BBS2: variants seen among roughly 807,000 people sequenced by gnomAD.
The protein encoded by BBS2 is Bardet-Biedl syndrome 2.
A neutral mutation model predicts 83.0 loss-of-function variants in BBS2; 62 were observed. That is an observed-to-expected ratio of 0.75 (90% CI 0.61 to 0.92). The LOEUF is 0.92. Ranked by LOEUF, BBS2 falls within the 40% of genes least tolerant of loss-of-function variation. The pLI, the probability that BBS2 is intolerant of heterozygous loss-of-function variation, is 0.00. For missense variants in BBS2, 784 were observed against 901.0 expected (o/e 0.87, Z 1.66); for synonymous variants, 303 against 326.1 (o/e 0.93, Z 0.76).
chr16:56,482,460 C>T (rs1963678723), downstream of BBS2, among the ~76,000 whole-genome samples: 1 of 151,954 alleles, frequency 6.6e-6, no homozygotes, highest in Non-Finnish European at 1.5e-5. Flanking sequence ...CTGTGTGAGG[C>T]AGATTTACGA....
intron 7 of BBS2, among the ~76,000 whole-genome samples, chr16:56,504,992 T>A (rs1327246342): frequency 3.3e-5 from 5 of 152,214 alleles, no homozygotes; most frequent in Non-Finnish European, 7.3e-5. Context: ...AAGGCTCCTA[T>A]GAGGAAGTGG....
intron 17 of BBS2, chr16:56,476,233 G>T: frequency 6.3e-7 from 1 of 1,595,854 alleles, no homozygotes; most frequent in Non-Finnish European, 8.5e-7. Context: ...GAACAAAAAT[G>T]TGACCCTTCG....
intron 15 of BBS2, 70 bp downstream of exon 15, chr16:56,496,897 C>G: frequency 1.9e-6 from 2 of 1,078,008 alleles, no homozygotes; most frequent in Admixed American, 1.7e-5. Flanking sequence ...TTGGTAACAT[C>G]TGAGAGTTGC....
intron 17 of BBS2, among the ~76,000 whole-genome samples, chr16:56,474,190 G>A (rs1307511896): frequency 2.0e-5 from 3 of 151,668 alleles, no homozygotes; most frequent in African/African-American, 7.3e-5. Flanking sequence ...TCTACTTTAG[G>A]TAATAACATG....
chr16:56,497,584 A>G, intron 14 of BBS2, 159 bp downstream of exon 14: 1 of 896,822 alleles, frequency 1.1e-6, no homozygotes. Context: ...TAAATCCTTA[A>G]GTAGTAAACT....
intron 16 of BBS2, among the ~76,000 whole-genome samples, 174 bp from the exon 17 acceptor site, chr16:56,485,041 G>A (rs1425282025): frequency 6.6e-6 from 1 of 152,088 alleles, no homozygotes; most frequent in African/African-American, 2.4e-5. Flanking sequence ...TGAAAAAACT[G>A]ACTTAGAGAC....
At chr16:56,487,175 T>C (rs1377771223) in intron 15 of BBS2, among the ~76,000 whole-genome samples, 3 of 152,134 alleles carry the variant, frequency 2.0e-5, no homozygotes, top group Admixed American at 6.5e-5. Context: ...GTATGAGTTA[T>C]ATATCAATTA....
At chr16:56,512,499 A>G (rs1964607734) in intron 2 of BBS2, among the ~76,000 whole-genome samples, 1 of 152,252 alleles carries the variant, frequency 6.6e-6, no homozygotes, top group African/African-American at 2.4e-5. Context: ...AAACCATAGT[A>G]TATTCACACA....
chr16:56,475,659 T>G (rs1963437003), intron 17 of BBS2: 1 of 973,332 alleles, frequency 1.0e-6, no homozygotes, highest in Non-Finnish European at 1.6e-6. Context: ...TACCAGTGTC[T>G]TTAGCTAATA....
chr16:56,475,691 C>T, intron 17 of BBS2: 5 of 758,542 alleles, frequency 6.6e-6, no homozygotes, highest in Non-Finnish European at 1.1e-5. Context: ...GGCAATGGTT[C>T]TAATTTCTAG....
chr16:56,488,090 G>A (rs1233688602), intron 15 of BBS2, among the ~76,000 whole-genome samples: 1 of 152,150 alleles, frequency 6.6e-6, no homozygotes, highest in Non-Finnish European at 1.5e-5. Context: ...ATTTCACATT[G>A]TGTAGTTCAC....
In BBS2 at chr16:56,507,930, T is replaced by TG. The variant is rs1364042254; in HGVS notation, c.613-1707dup. On this transcript the variant is annotated intron_variant, in intron 5 of 16. Transcript: ENST00000245157. ...TTGCAGTGAGCCAAGATCACGCCACTGCACTCCAGCATGGGCGACAAGAGC... is the reference window on the plus strand; with the variant it reads ...TTGCAGTGAGCCAAGATCACGCCACTGGCACTCCAGCATGGGCGACAAGAGC... Among the ~76,000 whole-genome samples, 3 of 152,170 alleles carry TG rather than the reference T, an allele frequency of 2.0e-5. No homozygotes were observed. The East Asian group carries it at 5.8e-4, about 29-fold the overall frequency.
intron 15 of BBS2, among the ~76,000 whole-genome samples, chr16:56,495,329 C>A (rs1964086918): frequency 1.3e-5 from 2 of 152,198 alleles, no homozygotes; most frequent in South Asian, 4.1e-4. Flanking sequence ...AAGAAACAAT[C>A]AAAAATTGCA....
chr16:56,514,777 T>G (rs1964686657), intron 1 of BBS2, 97 bp from the exon 2 acceptor site: 3 of 875,226 alleles, frequency 3.4e-6, no homozygotes, highest in Admixed American at 2.3e-5. Flanking sequence ...ACATCCACAT[T>G]AACAAGAGGT....
In BBS2 at chr16:56,485,661, T is replaced by C. The variant is rs1963756133; in HGVS notation, c.1988A>G (p.Asn663Ser). The C allele has an allele frequency of 6.2e-7, 1 of 1,614,148 alleles. No homozygotes were observed. ...GTTTCCCAACAGCTCTGTGTGATTGTTACAGCGAATTTTATATCCATTTAG... is the reference window on the plus strand; with the variant it reads ...GTTTCCCAACAGCTCTGTGTGATTGCTACAGCGAATTTTATATCCATTTAG... ...DLLNGYKIRCNNHTELLGNLK... is the reference protein window; with the variant it reads ...DLLNGYKIRCSNHTELLGNLK... The change falls in exon 16 of 17, where the codon AAC (asparagine) becomes AGC (serine). Residue 663 changes from asparagine (N) to serine (S), a missense_variant. Physicochemically the swap from Asn to Ser is conservative, Grantham distance 46. Transcript: ENST00000245157.
intron 17 of BBS2, among the ~76,000 whole-genome samples, chr16:56,472,429 G>C (rs564637974): frequency 6.6e-6 from 1 of 152,302 alleles, no homozygotes; most frequent in African/African-American, 2.4e-5. Context: ...GAATACAAAA[G>C]TGAAAGAGAA....
chr16:56,502,457 C>T lies in BBS2; in HGVS notation c.941-1G>A. The T allele has an allele frequency of 6.2e-7, 1 of 1,614,210 alleles. No homozygotes were observed. Among genetic ancestry groups the T allele is most frequent in the Non-Finnish European group, 8.5e-7 (1 of 1,180,044 alleles). ...GCCGTGCCAGGCAGGTAGCCCCGGA[C>T]TGAACAGAAGGAAAAAACCGCAAGT... On this transcript the variant is annotated splice_acceptor_variant, in intron 8 of 16. Coordinates refer to ENST00000245157, the MANE Select transcript of BBS2 (RefSeq NM_031885.5). LOFTEE classifies it high-confidence loss of function.
downstream of BBS2, among the ~76,000 whole-genome samples, chr16:56,480,136 A>G (rs1245421549): frequency 6.6e-6 from 1 of 152,214 alleles, no homozygotes; most frequent in East Asian, 1.9e-4. Flanking sequence ...ATGTCTAAGG[A>G]AGTACCCTAT....
At chr16:56,499,523 G>T in intron 12 of BBS2, 1 of 429,052 alleles carries the variant, frequency 2.3e-6, no homozygotes, top group South Asian at 2.1e-5. Context: ...AGACCATAAC[G>T]GAAAGAGAGG....
Sources: allele counts gnomAD v4.1 joint callset (sites outside exome capture counted in the v4.1 genomes callset), GRCh38; gene constraint gnomAD v4.1.1; transcripts MANE v1.5; gene names NCBI Gene and HGNC (gene_info 2026-07-23, HGNC 2026-07-21).